Variants in SYT1 observed in about 807,000 individuals in gnomAD.
SYT1 encodes synaptotagmin 1.
SYT1 carries 8 observed loss-of-function variants against 44.8 expected under a neutral mutation model. The ratio of observed to expected loss-of-function variants is 0.18; its 90% confidence interval spans 0.10 to 0.32. The LOEUF (loss-of-function observed/expected upper bound fraction) is 0.32. Ranked by LOEUF, SYT1 falls within the 10% of genes least tolerant of loss-of-function variation. The probability of loss-of-function intolerance (pLI) is 1.00; values close to 1 mark genes in which losing one functional copy is unlikely to be tolerated. For synonymous variants in SYT1, 154 were observed against 188.8 expected (o/e 0.82, Z 1.51); for missense variants, 286 against 509.3 (o/e 0.56, Z 4.22).
At chr12:79,200,785 A>G (rs1873739054) in intron 3 of SYT1, among the ~76,000 whole-genome samples, 1 of 152,194 alleles carries the variant, frequency 6.6e-6, no homozygotes, top group South Asian at 2.1e-4. Flanking sequence ...TCCAACATAG[A>G]GTTTCTAGCT....
intron 1 of SYT1, among the ~76,000 whole-genome samples, chr12:78,867,271 T>C (rs1873594301): frequency 6.6e-6 from 1 of 152,142 alleles, no homozygotes; most frequent in African/African-American, 2.4e-5. Flanking sequence ...TTCTCCACTG[T>C]CTTAGGAATA....
At chr12:78,971,093 G>A (rs12317000) in intron 1 of SYT1, among the ~76,000 whole-genome samples, 2,205 of 152,244 alleles carry the variant, frequency 0.014, 49 homozygotes, top group African/African-American at 0.051. Flanking sequence ...GAACCCAGGT[G>A]GTGGAGGTTG....
In SYT1 at chr12:79,000,315, CAG is replaced by C. The variant is rs1216297616; in HGVS notation, c.-84+22387_-84+22388del. On this transcript the variant is annotated intron_variant, in intron 2 of 10. Coordinates refer to ENST00000261205, the MANE Select transcript of SYT1 (RefSeq NM_005639.3). ...TTTTTTTTTTTTTTTTTTTTTGTGACAGAGTTTCGCTCTAGTTGCCCAGCGTG... is the reference window on the plus strand; with the variant it reads ...TTTTTTTTTTTTTTTTTTTTTGTGACAGTTTCGCTCTAGTTGCCCAGCGTG... Among the ~76,000 whole-genome samples the C allele has an allele frequency of 3.7e-5, 4 of 108,766 alleles. No homozygotes were observed. The Admixed American group carries it at 4.8e-4, about 13-fold the overall frequency. 71.4% of individuals were successfully genotyped at this position (108,766 alleles called of 152,430 possible). A position where few individuals can be genotyped will look rare whatever the true frequency, so the allele number is the denominator to read the frequency against.
intron 1 of SYT1, among the ~76,000 whole-genome samples, chr12:78,918,604 C>G (rs554651438): frequency 5.5e-4 from 83 of 152,146 alleles, no homozygotes; most frequent in South Asian, 1.0e-3. Context: ...CGCAAATGCT[C>G]CACATGGCAA....
chr12:79,218,760 C>A (rs1347897373), intron 4 of SYT1, among the ~76,000 whole-genome samples: 1 of 152,098 alleles, frequency 6.6e-6, no homozygotes, highest in African/African-American at 2.4e-5. Flanking sequence ...GTCCATTCAT[C>A]CACTGATAAG....
chr12:78,948,476 C>T (rs527697947), intron 1 of SYT1, among the ~76,000 whole-genome samples: 5 of 151,858 alleles, frequency 3.3e-5, no homozygotes, highest in Non-Finnish European at 5.9e-5. Context: ...ATACATGATA[C>T]AGATATAATA....
rs996235603 is a variant in SYT1 at position 79,054,500 on chromosome 12, A to C, written c.-18+7138A>C. Among the ~76,000 whole-genome samples the C allele has an allele frequency of 8.6e-5, 13 of 152,024 alleles. 1 individual carries two copies. The South Asian group carries it at 1.0e-3, about 12-fold the overall frequency. On this transcript the variant is annotated intron_variant, in intron 3 of 10. Transcript: ENST00000261205. ...GAAAAACAATATTTATTTTGTTTGT[A>C]AATAACAATACAGTGGACATTCACC...
chr12:79,122,260 A>T (rs1868281757), intron 3 of SYT1, among the ~76,000 whole-genome samples: 1 of 152,000 alleles, frequency 6.6e-6, no homozygotes, highest in East Asian at 1.9e-4. Flanking sequence ...CACGCCTGTA[A>T]TCCCAGCACT....
intron 2 of SYT1, among the ~76,000 whole-genome samples, chr12:79,041,106 G>A (rs1371357636): frequency 6.6e-6 from 1 of 152,018 alleles, no homozygotes; most frequent in East Asian, 1.9e-4. Flanking sequence ...TGGCAATGCG[G>A]GCTCTTTTTT....
intron 2 of SYT1, among the ~76,000 whole-genome samples, chr12:79,031,201 A>G (rs1872808535): frequency 6.6e-6 from 1 of 151,172 alleles, no homozygotes; most frequent in Admixed American, 6.6e-5. Context: ...TTAATATCAC[A>G]ATTATTTGAC....
chr12:79,200,437 T>G (rs1873712586), intron 3 of SYT1, among the ~76,000 whole-genome samples: 1 of 152,134 alleles, frequency 6.6e-6, no homozygotes. Context: ...AGAGCCACTA[T>G]GAGGGCTCTC....
intron 8 of SYT1, among the ~76,000 whole-genome samples, chr12:79,335,531 T>C (rs1882052813): frequency 6.6e-6 from 1 of 152,132 alleles, no homozygotes; most frequent in Admixed American, 6.6e-5. Flanking sequence ...CTCTTGCTCT[T>C]CCGACTAGCT....
intron 9 of SYT1, among the ~76,000 whole-genome samples, chr12:79,384,793 C>A (rs7309174): frequency 1.3e-5 from 2 of 152,020 alleles, no homozygotes; most frequent in Non-Finnish European, 2.9e-5. Context: ...TGTGAAAAAA[C>A]GTCATCACTT....
intron 9 of SYT1, among the ~76,000 whole-genome samples, chr12:79,395,299 A>G (rs1228772584): frequency 6.6e-6 from 1 of 152,020 alleles, no homozygotes; most frequent in Non-Finnish European, 1.5e-5. Flanking sequence ...GCTCACTGCA[A>G]CCTCTGCCTC....
intron 3 of SYT1, among the ~76,000 whole-genome samples, chr12:79,208,376 A>G (rs1163895355): frequency 6.6e-6 from 1 of 152,230 alleles, no homozygotes; most frequent in Non-Finnish European, 1.5e-5. Context: ...AGCTCACTAA[A>G]TTCTCATTAC....
chr12:78,876,926 A>AT (rs1565698024), intron 1 of SYT1, among the ~76,000 whole-genome samples: 2 of 88,388 alleles, frequency 2.3e-5, no homozygotes, highest in Non-Finnish European at 2.1e-5. Flanking sequence ...TATATAATAT[A>AT]TATTATATAT....
intron 3 of SYT1, among the ~76,000 whole-genome samples, chr12:79,203,414 C>T (rs1873914435): frequency 1.3e-5 from 2 of 152,174 alleles, no homozygotes; most frequent in South Asian, 4.1e-4. Flanking sequence ...GGAGATACTG[C>T]TTCCTCTGTA....
At chr12:79,190,724 T>C (rs1229718376) in intron 3 of SYT1, among the ~76,000 whole-genome samples, 1 of 152,158 alleles carries the variant, frequency 6.6e-6, no homozygotes, top group African/African-American at 2.4e-5. Flanking sequence ...TTCACTAATA[T>C]CATGGATTGA....
In SYT1 at chr12:79,001,259, T is replaced by C. The variant is rs537119459; in HGVS notation, c.-84+23328T>C. The stretch of plus-strand genomic sequence containing the variant: ...TTACACATTATGAAGTTCATTTCTT[T>C]TAAAAAAAAAAAAGCCCCTATCCTT... On this transcript the variant is annotated intron_variant, in intron 2 of 10. Transcript: ENST00000261205. 3.4e-5 allele frequency among the ~76,000 whole-genome samples: 5 copies of C among 145,202 alleles called. No homozygotes were observed. The South Asian group carries it at 1.1e-3, about 31-fold the overall frequency.
Sources: gnomAD v4.1 joint callset for allele counts (sites outside exome capture counted in the v4.1 genomes callset) on GRCh38, gnomAD v4.1.1 for gene constraint, MANE v1.5 for transcripts, NCBI Gene and HGNC (gene_info 2026-07-23, HGNC 2026-07-21) for gene names.